NCAM2: variants seen among roughly 807,000 people sequenced by gnomAD.
NCAM2 encodes the protein neural cell adhesion molecule 2.
A neutral mutation model predicts 98.1 loss-of-function variants in NCAM2; 30 were observed. That is an observed-to-expected ratio of 0.31 (90% CI 0.23 to 0.41). The LOEUF (loss-of-function observed/expected upper bound fraction) is 0.41. NCAM2 is among the 10% of genes least tolerant of loss of function. NCAM2 has a pLI of 1.00. For synonymous variants in NCAM2, 368 were observed against 342.4 expected (o/e 1.07, Z -0.83); for missense variants, 867 against 1,005.8 (o/e 0.86, Z 1.87).
chr21:21,069,956 T>A (rs2065524431), intron 1 of NCAM2, among the ~76,000 whole-genome samples: 1 of 152,172 alleles, frequency 6.6e-6, no homozygotes, highest in South Asian at 2.1e-4. Context: ...AAAACATATT[T>A]TCTTGCAATT....
At chr21:21,479,608 A>AAAAAAAAAAAAAAAAAT (rs1491473437) in intron 15 of NCAM2, among the ~76,000 whole-genome samples, 1 of 127,916 alleles carries the variant, frequency 7.8e-6, no homozygotes, top group African/African-American at 2.8e-5. Flanking sequence ...AAAAAAAAAA[A>AAAAAAAAAAAAAAAAAT]TTGTTGATGA....
At chr21:21,377,433 A>G (rs112528435) in intron 9 of NCAM2, among the ~76,000 whole-genome samples, 4 of 151,990 alleles carry the variant, frequency 2.6e-5, no homozygotes, top group African/African-American at 9.6e-5. Context: ...GTCATGCAGT[A>G]TTATTTTTAA....
chr21:21,351,011 G>A (rs545154553), intron 8 of NCAM2, among the ~76,000 whole-genome samples: 29 of 150,032 alleles, frequency 1.9e-4, no homozygotes, highest in Admixed American at 1.2e-3. Flanking sequence ...CAGCTACTCC[G>A]GAGGCTGAAG....
At chr21:21,401,415 C>T (rs2076627969) in intron 9 of NCAM2, among the ~76,000 whole-genome samples, 1 of 152,166 alleles carries the variant, frequency 6.6e-6, no homozygotes, top group South Asian at 2.1e-4. Context: ...AAACTTACTT[C>T]TGTTGTCTAA....
intron 1 of NCAM2, among the ~76,000 whole-genome samples, chr21:21,003,311 A>G (rs1390385620): frequency 3.3e-5 from 5 of 152,146 alleles, no homozygotes; most frequent in East Asian, 1.9e-4. Context: ...TCAAAACATT[A>G]TAGTTTGAAG....
intron 1 of NCAM2, among the ~76,000 whole-genome samples, chr21:21,251,685 T>C (rs2147290036): frequency 6.6e-6 from 1 of 152,030 alleles, no homozygotes; most frequent in East Asian, 1.9e-4. Flanking sequence ...TTCTAGATCT[T>C]TGAGGAATCA....
chr21:21,508,287 T>C (rs1215058154), intron 15 of NCAM2, among the ~76,000 whole-genome samples: 1 of 152,146 alleles, frequency 6.6e-6, no homozygotes. Flanking sequence ...TCTTGCCAAA[T>C]GATGATTCCT....
chr21:21,350,017 G>T (rs374073528), intron 8 of NCAM2, among the ~76,000 whole-genome samples: 1 of 152,074 alleles, frequency 6.6e-6, no homozygotes, highest in East Asian at 1.9e-4. Context: ...CCAACAGGGT[G>T]AGTATAGTTA....
At chr21:21,510,087 A>G (rs1023475970) in intron 16 of NCAM2, among the ~76,000 whole-genome samples, 4 of 152,166 alleles carry the variant, frequency 2.6e-5, no homozygotes, top group Admixed American at 2.6e-4. Context: ...ATGTTTATTC[A>G]TACGTTAATC....
intron 8 of NCAM2, among the ~76,000 whole-genome samples, chr21:21,349,339 A>G (rs1433477663): frequency 2.6e-5 from 4 of 152,302 alleles, no homozygotes; most frequent in South Asian, 4.1e-4. Context: ...GCTCAATGTC[A>G]TGGATCATCA....
intron 1 of NCAM2, among the ~76,000 whole-genome samples, chr21:21,208,875 C>A (rs1238713868): frequency 1.3e-5 from 2 of 151,856 alleles, no homozygotes; most frequent in Non-Finnish European, 1.5e-5. Context: ...TAAATATTTT[C>A]TTCTTTTTCT....
chr21:21,288,184 G>C (rs1444479248), intron 4 of NCAM2, among the ~76,000 whole-genome samples: 1 of 151,858 alleles, frequency 6.6e-6, no homozygotes, highest in African/African-American at 2.4e-5. Flanking sequence ...ATAAGGAATA[G>C]CCTGTACATG....
At chr21:21,299,994 T>C (rs1465228878) in intron 5 of NCAM2, among the ~76,000 whole-genome samples, 1 of 152,066 alleles carries the variant, frequency 6.6e-6, no homozygotes, top group Non-Finnish European at 1.5e-5. Flanking sequence ...AGATGCTGTG[T>C]AAATAGTGTT....
chr21:21,251,079 A>G (rs995533402), intron 1 of NCAM2, among the ~76,000 whole-genome samples: 2 of 151,914 alleles, frequency 1.3e-5, no homozygotes, highest in African/African-American at 4.8e-5. Context: ...ATGTGTCGTG[A>G]TTTTTTTTCC....
chr21:21,476,329 C>G (rs1479905918), intron 14 of NCAM2, among the ~76,000 whole-genome samples: 1 of 151,896 alleles, frequency 6.6e-6, no homozygotes, highest in Non-Finnish European at 1.5e-5. Context: ...ATCCTAAAAT[C>G]GCTGTTATTT....
At chr21:21,286,857 C>T (rs572290376) in intron 4 of NCAM2, among the ~76,000 whole-genome samples, 1 of 151,960 alleles carries the variant, frequency 6.6e-6, no homozygotes, top group African/African-American at 2.4e-5. Context: ...TGAAGGAGTA[C>T]ATCCTGCTGT....
intron 14 of NCAM2, among the ~76,000 whole-genome samples, chr21:21,470,539 T>C (rs1463236241): frequency 6.6e-6 from 1 of 152,044 alleles, no homozygotes; most frequent in African/African-American, 2.4e-5. Flanking sequence ...GAACAAATTT[T>C]GTCTCCAGTA....
intron 1 of NCAM2, among the ~76,000 whole-genome samples, chr21:21,126,955 A>C (rs1569051801): frequency 6.6e-6 from 1 of 152,000 alleles, no homozygotes; most frequent in African/African-American, 2.4e-5. Flanking sequence ...AAGTTAAAAA[A>C]ACTGCATCTA....
intron 7 of NCAM2, 101 bp downstream of exon 7, chr21:21,335,766 ATC>A (rs1433607318): frequency 2.1e-6 from 2 of 975,320 alleles, no homozygotes; most frequent in Admixed American, 3.8e-5. Flanking sequence ...TCCATATTAA[ATC>A]TGTTTCCTCT....
Sources: allele counts gnomAD v4.1 joint callset (sites outside exome capture counted in the v4.1 genomes callset), GRCh38; gene constraint gnomAD v4.1.1; transcripts MANE v1.5; gene names NCBI Gene and HGNC (gene_info 2026-07-23, HGNC 2026-07-21).